The following KSR2 variants were observed in gnomAD, a reference collection of about 807,000 sequenced individuals.
The protein encoded by KSR2 is kinase suppressor of ras 2.
A neutral mutation model predicts 107.8 loss-of-function variants in KSR2; 25 were observed. The ratio of observed to expected loss-of-function variants is 0.23; its 90% CI spans 0.17 to 0.32. The LOEUF is 0.32. KSR2 is among the 10% of genes least tolerant of loss of function. The pLI is 1.00. For missense variants in KSR2, 887 were observed against 1,268.9 expected (o/e 0.70, Z 4.57); for synonymous variants, 480 against 507.0 (o/e 0.95, Z 0.71).
At chr12:117,878,233 T>G in intron 1 of KSR2, among the ~76,000 whole-genome samples, 1 of 147,308 alleles carries the variant, frequency 6.8e-6, no homozygotes, top group East Asian at 1.9e-4. Flanking sequence ...TCATGAAAAG[T>G]AAATCAATAA....
At chr12:117,825,889 G>A (rs551775995) in intron 3 of KSR2, among the ~76,000 whole-genome samples, 10 of 142,526 alleles carry the variant, frequency 7.0e-5, no homozygotes, top group African/African-American at 2.6e-4. Flanking sequence ...ATGCATGCAT[G>A]CATGCATAGA....
At chr12:117,646,804 A>G (rs78278159) in intron 5 of KSR2, among the ~76,000 whole-genome samples, 4,698 of 152,234 alleles carry the variant, frequency 0.031, 243 homozygotes, top group African/African-American at 0.11. Flanking sequence ...TGACTTCTGA[A>G]GGGGCTTAGT....
At chr12:117,656,992 A>AG (rs1214463712) in intron 5 of KSR2, among the ~76,000 whole-genome samples, 2,285 of 98,226 alleles carry the variant, frequency 0.023, 108 homozygotes, top group African/African-American at 0.1. Context: ...ATATATATAT[A>AG]TATATATATA....
intron 5 of KSR2, among the ~76,000 whole-genome samples, chr12:117,606,743 ACT>A (rs1484237325): frequency 2.2e-5 from 2 of 89,302 alleles, no homozygotes; most frequent in Non-Finnish European, 4.5e-5. Flanking sequence ...TTCTTTCCTT[ACT>A]CTCTCCTTCC....
chr12:117,847,018 G>A (rs552991214), intron 3 of KSR2, among the ~76,000 whole-genome samples: 36 of 152,368 alleles, frequency 2.4e-4, no homozygotes, highest in African/African-American at 7.2e-4. Context: ...TCTGCCGCTC[G>A]TAAGCGAGAG....
intron 1 of KSR2, among the ~76,000 whole-genome samples, chr12:117,954,076 C>T (rs951720597): frequency 2.0e-5 from 3 of 150,036 alleles, no homozygotes; most frequent in Admixed American, 2.0e-4. Context: ...AGCAACAGAG[C>T]AAGACCCTGT....
chr12:117,544,358 G>A lies in KSR2; in HGVS notation c.1519-4471C>T, dbSNP rs181394949. On this transcript the variant is annotated intron_variant, in intron 9 of 19. Transcript: ENST00000339824. The stretch of plus-strand genomic sequence containing the variant: ...ATTTGGGCCAGGCACGGTGGCTTGC[G>A]CTTGTAATCCTAGCACTTTGGGAGG... Among the ~76,000 whole-genome samples the A allele has an allele frequency of 1.8e-4, 28 of 152,228 alleles. No homozygotes were observed. The South Asian group carries it at 3.5e-3, about 19-fold the overall frequency.
chr12:117,667,394 T>A, intron 5 of KSR2, 80 bp downstream of exon 5: 1 of 1,352,018 alleles, frequency 7.4e-7, no homozygotes. Context: ...AGTTTGCACC[T>A]GGCACAGAGG....
chr12:117,841,264 T>C (rs116717938), intron 3 of KSR2, among the ~76,000 whole-genome samples: 1,544 of 152,290 alleles, frequency 0.01, 31 homozygotes, highest in African/African-American at 0.036. Flanking sequence ...ATTTTCATCC[T>C]CCTTGCCCTT....
At chr12:117,572,590 C>A (rs776992560) in intron 7 of KSR2, among the ~76,000 whole-genome samples, 1 of 151,336 alleles carries the variant, frequency 6.6e-6, no homozygotes, top group African/African-American at 2.4e-5. Context: ...AAAACATAAT[C>A]TGAGAAGAGA....
At chr12:117,962,136 C>A (rs1896678954) in intron 1 of KSR2, among the ~76,000 whole-genome samples, 1 of 138,686 alleles carries the variant, frequency 7.2e-6, no homozygotes, top group Non-Finnish European at 1.5e-5. Flanking sequence ...CAGAGCAAGA[C>A]CCTGTCTCTT....
intron 4 of KSR2, among the ~76,000 whole-genome samples, chr12:117,744,612 C>T (rs916949460): frequency 6.6e-6 from 1 of 152,158 alleles, no homozygotes; most frequent in Non-Finnish European, 1.5e-5. Context: ...GAAAGCAATC[C>T]ATCACTCTGC....
At chr12:117,861,378 CTTTTTTTT>C (rs5801257) in intron 1 of KSR2, among the ~76,000 whole-genome samples, 6 of 81,670 alleles carry the variant, frequency 7.3e-5, no homozygotes, top group Non-Finnish European at 1.3e-4. Context: ...TCCCAATTCG[CTTTTTTTT>C]TTTTTTTTTT....
chr12:117,965,541 G>A (rs1896760483), intron 1 of KSR2, among the ~76,000 whole-genome samples: 1 of 152,186 alleles, frequency 6.6e-6, no homozygotes, highest in South Asian at 2.1e-4. Flanking sequence ...CTACAGAAGT[G>A]TATACATGCT....
chr12:117,642,916 G>C (rs1321627502), intron 5 of KSR2, among the ~76,000 whole-genome samples: 2 of 152,148 alleles, frequency 1.3e-5, no homozygotes, highest in Non-Finnish European at 2.9e-5. Context: ...GGGAAACCAG[G>C]CCCCCAGGCT....
At chr12:117,818,142 T>C (rs986690490) in intron 3 of KSR2, among the ~76,000 whole-genome samples, 1 of 152,060 alleles carries the variant, frequency 6.6e-6, no homozygotes, top group Admixed American at 6.6e-5. Flanking sequence ...TTATCCAATA[T>C]GTCCCTCAAA....
intron 5 of KSR2, among the ~76,000 whole-genome samples, chr12:117,591,185 C>CAATG (rs953065152): frequency 4.6e-5 from 7 of 152,296 alleles, no homozygotes; most frequent in Non-Finnish European, 7.3e-5. Flanking sequence ...CATGAGGGGG[C>CAATG]AATGTCTCTA....
chr12:117,777,175 C>CTATATATATA lies in KSR2; in HGVS notation c.473-15661_473-15652dup, dbSNP rs56862811. Among the ~76,000 whole-genome samples the CTATATATATA allele has an allele frequency of 6.1e-3, 829 of 136,796 alleles. 9 individuals are homozygous for CTATATATATA. The highest frequency in any genetic ancestry group is 0.022 in the East Asian group (108 of 4,806). 89.7% of individuals were successfully genotyped at this position (136,796 alleles called of 152,430 possible). A position where few individuals can be genotyped will look rare whatever the true frequency, so the allele number is the denominator to read the frequency against. ...TATATACACACCATACATATATACA[C>CTATATATATA]TATATATATATATATATAGTTGATT... On this transcript the variant is annotated intron_variant, in intron 3 of 19. Transcript: ENST00000339824.
chr12:117,881,579 T>C (rs115860334), intron 1 of KSR2, among the ~76,000 whole-genome samples: 2,527 of 152,368 alleles, frequency 0.017, 48 homozygotes, highest in African/African-American at 0.042. Context: ...GCTCAGGCTC[T>C]TTCTGTATAA....
Sources: allele counts gnomAD v4.1 joint callset (sites outside exome capture counted in the v4.1 genomes callset), GRCh38; gene constraint gnomAD v4.1.1; transcripts MANE v1.5; gene names NCBI Gene and HGNC (gene_info 2026-07-23, HGNC 2026-07-21).